The following ACSM3 variants were observed in gnomAD, a reference collection of about 807,000 sequenced individuals.
The protein encoded by ACSM3 is acyl-CoA synthetase medium chain family member 3.
Under a neutral mutation model 74.1 loss-of-function variants are expected in ACSM3, and 61 were observed. The observed-to-expected ratio is 0.82, with a 90% CI of 0.67 to 1.02. The LOEUF (loss-of-function observed/expected upper bound fraction) is 1.02, where lower values mean the gene tolerates loss of function less well. Ranked by LOEUF, ACSM3 falls within the 50% of genes least tolerant of loss-of-function variation. The pLI, the probability that ACSM3 is intolerant of heterozygous loss-of-function variation, is 0.00. For synonymous variants in ACSM3, 213 were observed against 241.5 expected, an observed-to-expected ratio of 0.88 and a Z score of 1.09; for missense variants, 660 against 697.0, an observed-to-expected ratio of 0.95 and a Z score of 0.60.
At chr16:20,764,257 T>G (rs1263859633) in intron 1 of ACSM3, 132 bp downstream of exon 1, 1 of 152,152 alleles carries the variant, frequency 6.6e-6, no homozygotes, top group Middle Eastern at 3.2e-3. Flanking sequence ...GCAGCCAAAG[T>G]TTCTCTCAGA....
At chr16:20,708,817 T>C (rs2079735013) in intron 1 of ACSM3, among the ~76,000 whole-genome samples, 2 of 152,182 alleles carry the variant, frequency 1.3e-5, no homozygotes, top group South Asian at 4.1e-4. Flanking sequence ...CCAAATATGC[T>C]TGAACAAAAA....
At chr16:20,771,976 C>A (rs2080199239) in intron 2 of ACSM3, among the ~76,000 whole-genome samples, 1 of 152,110 alleles carries the variant, frequency 6.6e-6, no homozygotes, top group African/African-American at 2.4e-5. Context: ...TTTGAATTAT[C>A]CTGATGATTA....
chr16:20,698,189 CAAAA>C (rs759884200), intron 1 of ACSM3, among the ~76,000 whole-genome samples: 4 of 75,236 alleles, frequency 5.3e-5, no homozygotes, highest in Non-Finnish European at 5.5e-5. Context: ...GACTCTGTCT[CAAAA>C]AAAAAAAAAA....
intron 3 of ACSM3, among the ~76,000 whole-genome samples, chr16:20,776,629 A>G (rs943060511): frequency 4.6e-5 from 7 of 152,252 alleles, no homozygotes; most frequent in South Asian, 2.1e-4. Flanking sequence ...ACATATTTTA[A>G]CTCATTTAAT....
At chr16:20,761,176 T>A (rs1432735478), upstream of ACSM3, among the ~76,000 whole-genome samples, 1 of 152,066 alleles carries the variant, frequency 6.6e-6, no homozygotes, top group African/African-American at 2.4e-5. Context: ...TGGCATGATC[T>A]CAGCTCACTG....
intron 1 of ACSM3, chr16:20,737,220 A>C: frequency 1.2e-6 from 2 of 1,614,180 alleles, no homozygotes; most frequent in Non-Finnish European, 1.7e-6. Flanking sequence ...GATGATTTCT[A>C]CTACCACTGT....
intron 1 of ACSM3, chr16:20,685,163 G>A (rs778996378): frequency 1.2e-4 from 196 of 1,612,532 alleles, no homozygotes; most frequent in Admixed American, 4.0e-4. Context: ...ACAGCCCCGA[G>A]GTCCACCAGG....
intron 1 of ACSM3, chr16:20,749,497 G>A (rs1369333706): frequency 6.6e-6 from 1 of 152,190 alleles, no homozygotes; most frequent in Non-Finnish European, 1.5e-5. Context: ...GGTTACCAAG[G>A]GAATCCCCTG....
chr16:20,682,040 G>A (rs550274666), intron 1 of ACSM3: 3 of 492,518 alleles, frequency 6.1e-6, no homozygotes, highest in African/African-American at 5.8e-5. Flanking sequence ...TCTGTAGTAA[G>A]CTTCCCCCTG....
intron 1 of ACSM3, chr16:20,737,433 C>T (rs1478491199): frequency 3.4e-6 from 3 of 890,444 alleles, no homozygotes; most frequent in Non-Finnish European, 4.8e-6. Flanking sequence ...TGAACCCTTA[C>T]AATAAATAAA....
chr16:20,734,779 ATG>A (rs1188894778), intron 1 of ACSM3: 1 of 152,202 alleles, frequency 6.6e-6, no homozygotes, highest in Non-Finnish European at 1.5e-5. Context: ...CCCTCATGGT[ATG>A]TGAGTGTGAG....
rs2079792270 is a variant in ACSM3 at position 20,723,251 on chromosome 16, T to C, written c.-189-26659T>C. On this transcript the variant is annotated intron_variant, in intron 1 of 3. Transcript: ENST00000561584. ...TGGCTGCATAGCATTCCACGGTGTA[T>C]ATGTGCCACATTTTCTTAATCCAGT... Among the ~76,000 whole-genome samples the C allele has an allele frequency of 5.3e-5, 8 of 152,168 alleles. No homozygotes were observed. In the South Asian group the frequency reaches 1.7e-3, roughly 32 times the overall value.
At chr16:20,796,823 A>C in intron 13 of ACSM3, 63 bp from the exon 14 acceptor site, 1 of 1,602,300 alleles carries the variant, frequency 6.2e-7, no homozygotes, top group Non-Finnish European at 8.5e-7. Flanking sequence ...AAACTGCTAT[A>C]TAATTGGCTT....
upstream of ACSM3, among the ~76,000 whole-genome samples, chr16:20,762,463 T>C (rs1381118685): frequency 6.6e-6 from 1 of 152,090 alleles, no homozygotes; most frequent in African/African-American, 2.4e-5. Context: ...ATAAAAGATC[T>C]AACATGGGGG....
At chr16:20,775,798 A>G (rs1392835426) in intron 2 of ACSM3, 41 bp from the exon 3 acceptor site, 7 of 1,603,670 alleles carry the variant, frequency 4.4e-6, no homozygotes, top group Admixed American at 1.7e-5. Context: ...ATTTAGCTGT[A>G]TAACAACCTT....
chr16:20,772,095 G>A lies in ACSM3; in HGVS notation c.219+1842G>A, dbSNP rs556671511. ...TTAATTGAATTATTTGTTTTGTTTT[G>A]TTTTGTTTTGCTGTTGGGTTATTTG... On this transcript the variant is annotated intron_variant, in intron 2 of 13. Coordinates refer to ENST00000289416, the MANE Select transcript of ACSM3 (RefSeq NM_005622.4). 3.9e-4 allele frequency among the ~76,000 whole-genome samples: 60 copies of A among 152,034 alleles called. 1 individual carries two copies. In the South Asian group the frequency reaches 0.012, roughly 31 times the overall value.
chr16:20,710,784 G>A (rs934234430), intron 1 of ACSM3, among the ~76,000 whole-genome samples: 1 of 152,010 alleles, frequency 6.6e-6, no homozygotes, highest in Non-Finnish European at 1.5e-5. Context: ...CTATTTAAGT[G>A]GTACATAATA....
At chr16:20,740,011 G>A (rs1329561261) in intron 1 of ACSM3, among the ~76,000 whole-genome samples, 1 of 152,136 alleles carries the variant, frequency 6.6e-6, no homozygotes, top group East Asian at 1.9e-4. Flanking sequence ...ACACGACACT[G>A]TCCTTTTGGT....
chr16:20,684,245 TA>T lies in ACSM3; in HGVS notation c.-190+9426del, dbSNP rs569274945. On this transcript the variant is annotated intron_variant, in intron 1 of 3. Coordinates refer to the ACSM3 transcript ENST00000561584. ...ACCAACATGGTAATATTCAATTAGG[TA>T]AAGAATCATCACTAGGTACTCAAAC... Among the ~76,000 whole-genome samples the T allele has an allele frequency of 1.8e-3, 275 of 152,294 alleles. No individual in the cohort carries two copies. In the Middle Eastern group the frequency reaches 0.02, roughly 11 times the overall value.
Sources: gnomAD v4.1 joint callset for allele counts (sites outside exome capture counted in the v4.1 genomes callset) on GRCh38, gnomAD v4.1.1 for gene constraint, MANE v1.5 for transcripts, NCBI Gene and HGNC (gene_info 2026-07-23, HGNC 2026-07-21) for gene names.